CDKL4: variants seen among roughly 807,000 people sequenced by gnomAD.
CDKL4 encodes cyclin-dependent kinase-like 4.
In CDKL4, 44 loss-of-function variants were observed where a neutral mutation model predicts 42.0. The ratio of observed to expected loss-of-function variants is 1.05; its 90% CI spans 0.82 to 1.35. The LOEUF (loss-of-function observed/expected upper bound fraction) is 1.35, where lower values mean the gene tolerates loss of function less well. CDKL4 is among the 40% of genes most tolerant of loss of function. CDKL4 has a pLI of 0.00. For missense variants in CDKL4, 393 were observed against 369.9 expected (o/e 1.06, Z -0.51); for synonymous variants, 120 against 121.6 (o/e 0.99, Z 0.09).
chr2:39,202,894 G>C (rs1676940752), intron 5 of CDKL4, among the ~76,000 whole-genome samples: 1 of 152,168 alleles, frequency 6.6e-6, no homozygotes, highest in African/African-American at 2.4e-5. Context: ...TAGAAGACTT[G>C]AGCTGTAACC....
At position 39,185,291 on chromosome 2, in the gene CDKL4, C is replaced by CAT. The variant is rs1264012639; in HGVS notation, c.736-646_736-645dup. On this transcript the variant is annotated intron_variant, in intron 7 of 9. Coordinates refer to ENST00000451199, the Ensembl canonical transcript of CDKL4. ...ATATATATACACATATGTATATATA[C>CAT]ATATATATACACATATGTATATATA... 1.3e-4 allele frequency among the ~76,000 whole-genome samples: 3 copies of CAT among 23,330 alleles called. 1 individual carries two copies. Among genetic ancestry groups the CAT allele is most frequent in the Non-Finnish European group, 1.9e-4 (2 of 10,440 alleles). 15.3% of individuals were successfully genotyped at this position (23,330 alleles called of 152,430 possible). A position where few individuals can be genotyped will look rare whatever the true frequency, so the allele number is the denominator to read the frequency against.
chr2:39,235,160 G>A (rs967946637), intron 1 of CDKL4, among the ~76,000 whole-genome samples: 3 of 152,120 alleles, frequency 2.0e-5, no homozygotes, highest in East Asian at 1.9e-4. Context: ...TTATAGGCAT[G>A]AGCCTCCACA....
upstream of CDKL4, among the ~76,000 whole-genome samples, chr2:39,246,919 A>AT (rs1309581675): frequency 6.6e-6 from 1 of 151,968 alleles, no homozygotes; most frequent in Non-Finnish European, 1.5e-5. Context: ...GGCTAATTTC[A>AT]TTTTTTGTAG....
intron 5 of CDKL4, among the ~76,000 whole-genome samples, chr2:39,200,899 C>T (rs138342712): frequency 4.9e-4 from 74 of 151,102 alleles, no homozygotes; most frequent in African/African-American, 1.7e-3. Context: ...GAAGATAACA[C>T]TGGCTTAGGC....
chr2:39,235,673 G>C (rs1679330887), intron 1 of CDKL4, among the ~76,000 whole-genome samples: 1 of 152,094 alleles, frequency 6.6e-6, no homozygotes, highest in African/African-American at 2.4e-5. Context: ...TTTGAGCCTG[G>C]GAGTTCAAGG....
chr2:39,172,241 G>A (rs751023752), downstream of CDKL4, among the ~76,000 whole-genome samples: 2 of 151,902 alleles, frequency 1.3e-5, no homozygotes, highest in Non-Finnish European at 2.9e-5. Context: ...GACCCCGGGA[G>A]GCAGAGGTTG....
intron 4 of CDKL4, among the ~76,000 whole-genome samples, chr2:39,212,139 G>A (rs1302646967): frequency 1.3e-5 from 2 of 152,198 alleles, no homozygotes; most frequent in East Asian, 3.8e-4. Context: ...CAGAAACTCT[G>A]GGGGTGGGGC....
intron 6 of CDKL4, among the ~76,000 whole-genome samples, chr2:39,188,668 T>C (rs1675985422): frequency 6.6e-6 from 1 of 150,980 alleles, no homozygotes; most frequent in Admixed American, 6.6e-5. Flanking sequence ...TTATGAGACT[T>C]CATCTCATAA....
chr2:39,235,279 A>T (rs1383841747), intron 1 of CDKL4, among the ~76,000 whole-genome samples: 1 of 152,192 alleles, frequency 6.6e-6, no homozygotes, highest in Non-Finnish European at 1.5e-5. Context: ...GACTGGAAAA[A>T]TTTCAGCAAA....
intron 1 of CDKL4, among the ~76,000 whole-genome samples, chr2:39,237,039 A>G (rs1475044904): frequency 6.6e-6 from 1 of 152,246 alleles, no homozygotes; most frequent in South Asian, 2.1e-4. Flanking sequence ...AACTCATTCT[A>G]TGTGGCCAAT....
intron 5 of CDKL4, among the ~76,000 whole-genome samples, chr2:39,191,498 G>A (rs531919773): frequency 2.0e-5 from 3 of 152,318 alleles, no homozygotes; most frequent in South Asian, 2.1e-4. Context: ...CAGATGTCTG[G>A]CCTCCAGAAT....
At chr2:39,222,673 G>C (rs767811184) in intron 3 of CDKL4, among the ~76,000 whole-genome samples, 23 of 152,102 alleles carry the variant, frequency 1.5e-4, no homozygotes, top group Non-Finnish European at 3.2e-4. Flanking sequence ...AAAATGAGAA[G>C]AACATGAGCT....
chr2:39,233,462 C>G (rs1318362041), intron 1 of CDKL4, among the ~76,000 whole-genome samples: 4 of 152,182 alleles, frequency 2.6e-5, no homozygotes, highest in Non-Finnish European at 5.9e-5. Flanking sequence ...CATTTGGCAT[C>G]TTGCAAGACA....
At chr2:39,216,961 C>T (rs1041350514) in intron 3 of CDKL4, among the ~76,000 whole-genome samples, 1 of 152,018 alleles carries the variant, frequency 6.6e-6, no homozygotes, top group African/African-American at 2.4e-5. Flanking sequence ...AGGCAGATTC[C>T]GTCAGGGGCA....
intron 3 of CDKL4, among the ~76,000 whole-genome samples, chr2:39,223,350 TA>T (rs1573011193): frequency 6.6e-6 from 1 of 152,132 alleles, no homozygotes; most frequent in African/African-American, 2.4e-5. Flanking sequence ...TGAAAACAGT[TA>T]AAATTTTTTC....
upstream of CDKL4, among the ~76,000 whole-genome samples, chr2:39,244,214 G>A (rs1404084575): frequency 1.3e-5 from 2 of 152,246 alleles, no homozygotes; most frequent in African/African-American, 4.8e-5. Context: ...CACTGTGGGA[G>A]CCCCTTTCTG....
At chr2:39,235,202 C>T (rs973969202) in intron 1 of CDKL4, among the ~76,000 whole-genome samples, 2 of 152,062 alleles carry the variant, frequency 1.3e-5, no homozygotes, top group Non-Finnish European at 2.9e-5. Context: ...TGCAAGAACT[C>T]AAGGAATACT....
At chr2:39,197,587 G>A (rs1676594723) in intron 5 of CDKL4, among the ~76,000 whole-genome samples, 2 of 152,112 alleles carry the variant, frequency 1.3e-5, no homozygotes, top group Admixed American at 1.3e-4. Context: ...GGACTCTGAG[G>A]CAAAAGCATC....
rs374665667 is a variant in CDKL4, at chr2:39,204,476, T to A, written c.454+51A>T. The A allele has an allele frequency of 1.1e-4, 106 of 1,005,246 alleles. No individual in the cohort carries two copies. The African/African-American group carries it at 1.5e-3, about 14-fold the overall frequency. The allele number at this position is 1,005,246 out of a possible 1,614,324, so 62.3% of individuals were successfully genotyped here. A position where few individuals can be genotyped will look rare whatever the true frequency, so the allele number is the denominator to read the frequency against. ...ATCCAATGTAAGAATTTAAACTATG[T>A]CATTTTATCATCATCTGAACTGGGT... On this transcript the variant is annotated intron_variant, in intron 5 of 9. Coordinates refer to ENST00000451199, the Ensembl canonical transcript of CDKL4.
Sources: allele counts gnomAD v4.1 joint callset (sites outside exome capture counted in the v4.1 genomes callset), GRCh38; gene constraint gnomAD v4.1.1; transcripts MANE v1.5; gene names NCBI Gene and HGNC (gene_info 2026-07-23, HGNC 2026-07-21).